Variants in GNL1 observed in about 807,000 individuals in gnomAD.
GNL1 encodes the protein guanine nucleotide-binding protein-like 1.
Under a neutral mutation model 75.2 loss-of-function variants are expected in GNL1, and 21 were observed. The observed-to-expected ratio is 0.28, with a 90% CI of 0.20 to 0.40. GNL1 has a LOEUF of 0.40. GNL1 is among the 10% of genes least tolerant of loss of function. GNL1 has a pLI of 1.00. For synonymous variants in GNL1, 287 were observed against 303.4 expected, an observed-to-expected ratio of 0.95 and a Z score of 0.56; for missense variants, 579 against 775.0, an observed-to-expected ratio of 0.75 and a Z score of 3.00.
At position 30,543,044 on chromosome 6, in the gene GNL1, C is replaced by T. The variant is rs1026298492; in HGVS notation, c.*3028G>A. 2.0e-5 allele frequency: 3 copies of T among 152,410 alleles called. No individual in the cohort carries two copies. Among genetic ancestry groups the T allele is most frequent in the African/African-American group, 7.2e-5 (3 of 41,464 alleles). The allele number at this position is 152,410 out of a possible 1,614,324, so 9.4% of individuals were successfully genotyped here. On this transcript the variant is annotated 3_prime_UTR_variant, in exon 12 of 12. Transcript: ENST00000376621. ...TCTCCTCTGCCCAGAATGCAATTTC[C>T]CTGTCTGGCTAACTCCTGTCCAGCA...
chr6:30,555,938 TC>T lies in GNL1; in HGVS notation c.73+192del, dbSNP rs1800143140. Reference sequence around the variant, plus strand: ...CCCGTGCTAGCTGGAGGGATTCCCCTCCCCCAACTCTCCATCCTTCCCCACC... The same window carrying T: ...CCCGTGCTAGCTGGAGGGATTCCCCTCCCCAACTCTCCATCCTTCCCCACC... On this transcript the variant is annotated intron_variant, in intron 1 of 11. Coordinates refer to ENST00000376621, the MANE Select transcript of GNL1 (RefSeq NM_005275.5). This position sits in a 1 kb window ranked among gnomAD's most constrained non-coding sequence, Gnocchi z 4.3. 1 of 814,934 alleles carries T rather than the reference TC, an allele frequency of 1.2e-6. No homozygotes were observed. Among genetic ancestry groups the T allele is most frequent in the Non-Finnish European group, 1.9e-6 (1 of 516,212 alleles). The allele number at this position is 814,934 out of a possible 1,614,324, so 50.5% of individuals were successfully genotyped here.
At position 30,555,624 on chromosome 6, in the gene GNL1, G is replaced by T; in HGVS notation, c.170C>A (p.Thr57Asn). 2 of 1,614,038 alleles carry T rather than the reference G, an allele frequency of 1.2e-6. No individual in the cohort carries two copies. Among genetic ancestry groups the T allele is most frequent in the Non-Finnish European group, 1.7e-6 (2 of 1,179,968 alleles). Residue 57 changes from threonine (T) to asparagine (N), a missense_variant, in exon 2 of 12, where the codon ACC becomes AAC. Physicochemically the swap from Thr to Asn is moderately conservative, Grantham distance 65. Transcript: ENST00000376621. The surrounding 1 kb of genome is among the most constrained non-coding windows in gnomAD (Gnocchi z 4.3). ...CTGGTTAAGCCTGCGGATATGATGG[G>T]TCACAGACTCCCCGTCCGAGGTGTC... ...QTDTSDGESVTHHIRRLNQQP... is the reference protein window; with the variant it reads ...QTDTSDGESVNHHIRRLNQQP...
In GNL1 at chr6:30,547,580, G is replaced by A; in HGVS notation, c.1100-50C>T. The stretch of plus-strand genomic sequence containing the variant: ...GTTTAACAGGTTTCTACTCTGTGAT[G>A]GGACTTGGTGCTATACCTATAGGTA... On this transcript the variant is annotated intron_variant, in intron 8 of 11. Coordinates refer to ENST00000376621, the MANE Select transcript of GNL1 (RefSeq NM_005275.5). This position sits in a 1 kb window ranked among gnomAD's most constrained non-coding sequence, Gnocchi z 5.5. The A allele has an allele frequency of 6.7e-7, 1 of 1,484,182 alleles. No individual in the cohort carries two copies. Among genetic ancestry groups the A allele is most frequent in the Non-Finnish European group, 9.4e-7 (1 of 1,063,702 alleles). The allele number at this position is 1,484,182 out of a possible 1,614,324, so 91.9% of individuals were successfully genotyped here.
chr6:30,555,796 C>G lies in GNL1; in HGVS notation c.74-76G>C. 1 of 1,457,854 alleles carries G rather than the reference C, an allele frequency of 6.9e-7. No homozygotes were observed. The highest frequency in any genetic ancestry group is 9.5e-7 in the Non-Finnish European group (1 of 1,055,910). 90.3% of individuals were successfully genotyped at this position (1,457,854 alleles called of 1,614,324 possible). A position where few individuals can be genotyped will look rare whatever the true frequency, so the allele number is the denominator to read the frequency against. On this transcript the variant is annotated intron_variant, in intron 1 of 11. Transcript: ENST00000376621. The surrounding 1 kb of genome is among the most constrained non-coding windows in gnomAD (Gnocchi z 4.3). ...AAGACCCTCTCCCCCATCGGCCTGACTCCCTTTCATCCCACTCAACTTCTT... is the reference window on the plus strand; with the variant it reads ...AAGACCCTCTCCCCCATCGGCCTGAGTCCCTTTCATCCCACTCAACTTCTT...
Position 30,546,540 on chromosome 6 carries a change from C to T in GNL1, c.1582+156G>A. 2 of 718,876 alleles carry T rather than the reference C, an allele frequency of 2.8e-6. No homozygotes were observed. Among genetic ancestry groups the T allele is most frequent in the Non-Finnish European group, 4.8e-6 (2 of 420,088 alleles). 44.5% of individuals were successfully genotyped at this position (718,876 alleles called of 1,614,324 possible). A position where few individuals can be genotyped will look rare whatever the true frequency, so the allele number is the denominator to read the frequency against. ...CACTATGCTAAGGGTCAATTATTAC[C>T]CTCAGTTTGCAGATCAGGAAAATAT... On this transcript the variant is annotated intron_variant, in intron 11 of 11. Transcript: ENST00000376621. The surrounding 1 kb of genome is among the most constrained non-coding windows in gnomAD (Gnocchi z 5.1).
intron 8 of GNL1, among the ~76,000 whole-genome samples, chr6:30,549,529 T>C (rs1799643111): frequency 6.6e-6 from 1 of 152,192 alleles, no homozygotes; most frequent in African/African-American, 2.4e-5. Context: ...CCTTCTCTCA[T>C]GGGCCTACTC....
chr6:30,554,659 G>A lies in GNL1; in HGVS notation c.529-13C>T. 6.2e-7 allele frequency: 1 copy of A among 1,603,720 alleles called. No individual in the cohort carries two copies. The highest frequency in any genetic ancestry group is 8.5e-7 in the Non-Finnish European group (1 of 1,171,540). Reference sequence around the variant, plus strand: ...GCTGCCTCCATGTCTAAAAAGACAGGATCAGGAAGAGAAACTGAAAACAGA... The same window carrying A: ...GCTGCCTCCATGTCTAAAAAGACAGAATCAGGAAGAGAAACTGAAAACAGA... On this transcript the variant is annotated splice_polypyrimidine_tract_variant and intron_variant, in intron 4 of 11. Coordinates refer to ENST00000376621, the MANE Select transcript of GNL1 (RefSeq NM_005275.5).
Position 30,555,116 on chromosome 6 carries a change from T to C in GNL1, c.315A>G (p.Leu105=), listed in dbSNP as rs1291033393. The C allele has an allele frequency of 2.5e-6, 4 of 1,612,916 alleles. No individual in the cohort carries two copies. The highest frequency in any genetic ancestry group is 1.3e-5 in the African/African-American group (1 of 74,914). ...RRKRAAREQV[L]QPVSAELLEL... is the part of the protein sequence containing the mutation. The stretch of plus-strand genomic sequence containing the variant: ...CCAACAACTCAGCACTGACCGGCTG[T>C]AGAACTTGCTCCCGGGCTGCTCTCT... The change falls in exon 3 of 12, where the codon CTA becomes CTG. Residue 105 remains leucine, a synonymous_variant. Transcript: ENST00000376621. The surrounding 1 kb of genome is among the most constrained non-coding windows in gnomAD (Gnocchi z 4.3).
At chr6:30,554,550 G>A (rs768044483) in intron 5 of GNL1, 25 bp downstream of exon 5, 4 of 1,428,940 alleles carry the variant, frequency 2.8e-6, no homozygotes, top group East Asian at 4.5e-5. Context: ...CCTCCTCCTT[G>A]CCCACCCTTA....
In GNL1 at chr6:30,555,534, A is replaced by G. The variant is rs369016661; in HGVS notation, c.239+21T>C. 111 of 1,599,106 alleles carry G rather than the reference A, an allele frequency of 6.9e-5. 1 individual carries two copies. The highest frequency in any genetic ancestry group is 9.1e-5 in the Non-Finnish European group (107 of 1,170,080). On this transcript the variant is annotated intron_variant, in intron 2 of 11. Coordinates refer to ENST00000376621, the MANE Select transcript of GNL1 (RefSeq NM_005275.5). The surrounding 1 kb of genome is among the most constrained non-coding windows in gnomAD (Gnocchi z 4.3). Reference sequence around the variant, plus strand: ...CCGGGTAGGCGGGAAAGCCGGGACCAGCGCCCCCTCCCACCCTCACCGATT... The same window carrying G: ...CCGGGTAGGCGGGAAAGCCGGGACCGGCGCCCCCTCCCACCCTCACCGATT...
Position 30,547,414 on chromosome 6 carries a change from AG to A in GNL1, c.1215del (p.Ser406LeufsTer2), listed in dbSNP as rs1377045203. The A allele has an allele frequency of 2.5e-6, 4 of 1,613,918 alleles. No individual in the cohort carries two copies. The highest frequency in any genetic ancestry group is 3.4e-6 in the Non-Finnish European group (4 of 1,179,922). ...CCTGGGCAGTCACAGAGCTTCACAG[AG>A]GGGGTAAGAAAGTAGGTCTGAAAGT... is the stretch of plus-strand genomic sequence containing the variant. ...TRYFQTYFLT[P>X]SVKLCDCPGL... On this transcript the variant is annotated frameshift_variant, in exon 9 of 12. Coordinates refer to ENST00000376621, the MANE Select transcript of GNL1 (RefSeq NM_005275.5). LOFTEE classifies it high-confidence loss of function. The surrounding 1 kb of genome is among the most constrained non-coding windows in gnomAD (Gnocchi z 5.5).
At chr6:30,554,110 G>T (rs1460648835) in intron 5 of GNL1, among the ~76,000 whole-genome samples, 1 of 152,182 alleles carries the variant, frequency 6.6e-6, no homozygotes, top group Non-Finnish European at 1.5e-5. Flanking sequence ...CCCACTGGAG[G>T]ACAAGAGTGA....
chr6:30,556,046 A>G lies in GNL1; in HGVS notation c.73+85T>C. ...CGCGGTCCCACGACCCCCTCCCACGATCCCCAGAGGTGCAGCGGGCACACC... is the reference window on the plus strand; with the variant it reads ...CGCGGTCCCACGACCCCCTCCCACGGTCCCCAGAGGTGCAGCGGGCACACC... On this transcript the variant is annotated intron_variant, in intron 1 of 11. Transcript: ENST00000376621. The surrounding 1 kb of genome is among the most constrained non-coding windows in gnomAD (Gnocchi z 5.7). 4 of 1,525,190 alleles carry G rather than the reference A, an allele frequency of 2.6e-6. No homozygotes were observed. Among genetic ancestry groups the G allele is most frequent in the Non-Finnish European group, 3.6e-6 (4 of 1,115,130 alleles). 94.5% of individuals were successfully genotyped at this position (1,525,190 alleles called of 1,614,324 possible).
Position 30,555,738 on chromosome 6 carries a change from T to A in GNL1, c.74-18A>T. 1.2e-5 allele frequency: 20 copies of A among 1,612,102 alleles called. No individual in the cohort carries two copies. The highest frequency in any genetic ancestry group is 1.7e-5 in the Non-Finnish European group (20 of 1,179,216). On this transcript the variant is annotated intron_variant, in intron 1 of 11. Coordinates refer to ENST00000376621, the MANE Select transcript of GNL1 (RefSeq NM_005275.5). The surrounding 1 kb of genome is among the most constrained non-coding windows in gnomAD (Gnocchi z 4.3). ...TTGAAGCCCTGCGGGGAGGGGCCGG[T>A]GACGCCAGTGCTGGCCAGCTCTCAG...
Position 30,542,826 on chromosome 6 carries a change from CT to C in GNL1, c.*3245del, listed in dbSNP as rs1299203522. Reference sequence around the variant, plus strand: ...TAGTGATCTAAGGCACAATTCTCACCTTTTCAGTCTTAGGCTTAAAGTTCAA... The same window carrying C: ...TAGTGATCTAAGGCACAATTCTCACCTTTCAGTCTTAGGCTTAAAGTTCAA... On this transcript the variant is annotated 3_prime_UTR_variant, in exon 12 of 12. Coordinates refer to ENST00000376621, the MANE Select transcript of GNL1 (RefSeq NM_005275.5). This position sits in a 1 kb window ranked among gnomAD's most constrained non-coding sequence, Gnocchi z 4.5. The C allele has an allele frequency of 6.6e-6, 1 of 152,222 alleles. No individual in the cohort carries two copies. The highest frequency in any genetic ancestry group is 2.4e-5 in the African/African-American group (1 of 41,460). The allele number at this position is 152,222 out of a possible 1,614,324, so 9.4% of individuals were successfully genotyped here. A position where few individuals can be genotyped will look rare whatever the true frequency, so the allele number is the denominator to read the frequency against.
At chr6:30,549,891 T>C (rs1449546102) in intron 8 of GNL1, among the ~76,000 whole-genome samples, 3 of 151,186 alleles carry the variant, frequency 2.0e-5, no homozygotes, top group Non-Finnish European at 2.9e-5. Flanking sequence ...TGGTATGATC[T>C]TGGCTCACCG....
rs1799535565 is a variant in GNL1 at position 30,547,659 on chromosome 6, A to G, written c.1100-129T>C. On this transcript the variant is annotated intron_variant, in intron 8 of 11. Transcript: ENST00000376621. The surrounding 1 kb of genome is among the most constrained non-coding windows in gnomAD (Gnocchi z 5.5). ...GAAATGGTATTGCAGAATACAAATCACGCTCTGGGCTGCCAGGGTTAAATC... is the reference window on the plus strand; with the variant it reads ...GAAATGGTATTGCAGAATACAAATCGCGCTCTGGGCTGCCAGGGTTAAATC... The G allele has an allele frequency of 3.8e-6, 3 of 790,864 alleles. No homozygotes were observed. Among genetic ancestry groups the G allele is most frequent in the African/African-American group, 3.6e-5 (2 of 56,146 alleles). 49.0% of individuals were successfully genotyped at this position (790,864 alleles called of 1,614,324 possible). A position where few individuals can be genotyped will look rare whatever the true frequency, so the allele number is the denominator to read the frequency against.
chr6:30,555,333 T>C lies in GNL1; in HGVS notation c.240-142A>G. 9.2e-7 allele frequency: 1 copy of C among 1,085,432 alleles called. No homozygotes were observed. The highest frequency in any genetic ancestry group is 1.4e-6 in the Non-Finnish European group (1 of 736,322). The allele number at this position is 1,085,432 out of a possible 1,614,324, so 67.2% of individuals were successfully genotyped here. ...TCTCTCAAGTCAGACTTCCCCCAAG[T>C]CCTTCTTTCAGGCAATACTCAGCCT... On this transcript the variant is annotated intron_variant, in intron 2 of 11. Coordinates refer to ENST00000376621, the MANE Select transcript of GNL1 (RefSeq NM_005275.5). This position sits in a 1 kb window ranked among gnomAD's most constrained non-coding sequence, Gnocchi z 4.3.
rs995515711 is a variant in GNL1 at position 30,545,467 on chromosome 6, G to A, written c.*605C>T. The A allele has an allele frequency of 6.6e-6, 1 of 152,186 alleles. No homozygotes were observed. Among genetic ancestry groups the A allele is most frequent in the African/African-American group, 2.4e-5 (1 of 41,424 alleles). The allele number at this position is 152,186 out of a possible 1,614,324, so 9.4% of individuals were successfully genotyped here. A position where few individuals can be genotyped will look rare whatever the true frequency, so the allele number is the denominator to read the frequency against. ...GCCTGAAGGTGGGGTTTTGATCATG[G>A]CCAGGCTTCAAATTTAGGTCAGGCT... On this transcript the variant is annotated 3_prime_UTR_variant, in exon 12 of 12. Transcript: ENST00000376621.
Sources: allele counts gnomAD v4.1 joint callset (sites outside exome capture counted in the v4.1 genomes callset), GRCh38; gene constraint gnomAD v4.1.1; non-coding constraint Gnocchi (gnomAD v3.1); transcripts MANE v1.5; gene names NCBI Gene and HGNC (gene_info 2026-07-23, HGNC 2026-07-21).